Variants in ENGASE observed in about 807,000 individuals in gnomAD.
ENGASE encodes the protein cytosolic endo-beta-N-acetylglucosaminidase.
A neutral mutation model predicts 78.5 loss-of-function variants in ENGASE; 69 were observed. That is an observed-to-expected ratio of 0.88 (90% confidence interval 0.72 to 1.07). The LOEUF is 1.07. ENGASE is among the 50% of genes least tolerant of loss of function. ENGASE has a pLI of 0.00. For missense variants in ENGASE, 943 were observed against 988.4 expected, an observed-to-expected ratio of 0.95 and a Z score of 0.62; for synonymous variants, 408 against 408.9, an observed-to-expected ratio of 1.00 and a Z score of 0.03.
At position 79,084,103 on chromosome 17, in the gene ENGASE, C is replaced by T. The variant is rs180727048; in HGVS notation, c.1442+152C>T. 389 of 668,616 alleles carry T rather than the reference C, an allele frequency of 5.8e-4. 2 individuals carry two copies. In the African/African-American group the frequency reaches 5.8e-3, roughly 10 times the overall value. 41.4% of individuals were successfully genotyped at this position (668,616 alleles called of 1,614,324 possible). A position where few individuals can be genotyped will look rare whatever the true frequency, so the allele number is the denominator to read the frequency against. The stretch of plus-strand genomic sequence containing the variant: ...AAAATTGTGATCAAAAATGCATTAA[C>T]GTGAAATTCACCATCTTGACCCTGT... On this transcript the variant is annotated intron_variant, in intron 10 of 13. Coordinates refer to ENST00000579016, the MANE Select transcript of ENGASE (RefSeq NM_001042573.3).
Position 79,079,577 on chromosome 17 carries a change from GTCACCATTCCCCCA to G in ENGASE, c.506_519del (p.Val169GlyfsTer24), listed in dbSNP as rs2073068293. 1.9e-6 allele frequency: 3 copies of G among 1,613,914 alleles called. No individual in the cohort carries two copies. The highest frequency in any genetic ancestry group is 2.5e-6 in the Non-Finnish European group (3 of 1,180,012). On this transcript the variant is annotated frameshift_variant, in exon 4 of 14. Transcript: ENST00000579016. LOFTEE classifies it high-confidence loss of function. ...CTTTGTGTACTTCAGCCACCACACC[GTCACCATTCCCCCA>G]GTGGGCTGGACCAACACTGCCCACA...
chr17:79,075,463 C>T (rs1239664078), intron 1 of ENGASE, among the ~76,000 whole-genome samples: 1 of 152,244 alleles, frequency 6.6e-6, no homozygotes, highest in Non-Finnish European at 1.5e-5. Context: ...CAGTGGATGC[C>T]GGCTGGTGGA....
At position 79,083,331 on chromosome 17, in the gene ENGASE, C is replaced by T. The variant is rs536062149; in HGVS notation, c.1143-151C>T. 1.8e-5 allele frequency: 13 copies of T among 703,538 alleles called. No homozygotes were observed. The highest frequency in any genetic ancestry group is 5.4e-5 in the East Asian group (2 of 36,806). 43.6% of individuals were successfully genotyped at this position (703,538 alleles called of 1,614,324 possible). On this transcript the variant is annotated intron_variant, in intron 8 of 13. Coordinates refer to ENST00000579016, the MANE Select transcript of ENGASE (RefSeq NM_001042573.3). The surrounding 1 kb of genome is among the most constrained non-coding windows in gnomAD (Gnocchi z 4.9). ...GCTTCCTGCAGACTCGTGTTTGCAG[C>T]GTATCTGTAGACGGGGAGGCTGCAG...
rs55950748 is a variant in ENGASE at position 79,081,749 on chromosome 17, TGTGGGGTGGGGTGGGGTGGG to T, written c.873-128_873-109del. On this transcript the variant is annotated intron_variant, in intron 6 of 13. Coordinates refer to ENST00000579016, the MANE Select transcript of ENGASE (RefSeq NM_001042573.3). ...TCTAGGAGGGGAAAGGCTGAGGCTG[TGTGGGGTGGGGTGGGGTGGG>T]GTGGGGTGGGGTGGGGTGGGCCCAT... 3.9e-4 allele frequency: 248 copies of T among 636,892 alleles called. 2 individuals are homozygous for T. The highest frequency in any genetic ancestry group is 3.2e-3 in the African/African-American group (82 of 25,740). The allele number at this position is 636,892 out of a possible 1,614,324, so 39.5% of individuals were successfully genotyped here.
chr17:79,081,125 G>A, intron 6 of ENGASE, 52 bp downstream of exon 6: 3 of 390,032 alleles, frequency 7.7e-6, no homozygotes, highest in Non-Finnish European at 9.9e-6. Context: ...GTGGGGGCGG[G>A]TACTGTGAGG....
Position 79,086,512 on chromosome 17 carries a change from T to TG in ENGASE, c.*169dup, listed in dbSNP as rs1568096470. ...CGGGCTGAGTGCTGTGGCTTTCTGG[T>TG]GGGGGGCGATGGAAACAGGAAACCA... is the stretch of plus-strand genomic sequence containing the variant. On this transcript the variant is annotated 3_prime_UTR_variant, in exon 14 of 14. Transcript: ENST00000579016. 1.3e-5 allele frequency: 10 copies of TG among 789,422 alleles called. No individual in the cohort carries two copies. The Admixed American group carries it at 1.8e-4, about 14-fold the overall frequency. 48.9% of individuals were successfully genotyped at this position (789,422 alleles called of 1,614,324 possible).
rs563044681 is a variant in ENGASE at position 79,084,558 on chromosome 17, C to G, written c.1463C>G (p.Pro488Arg). Residue 488 changes from proline (P) to arginine (R), a missense_variant, in exon 11 of 14, where the codon CCA (proline) becomes CGA (arginine). By Grantham distance (103) the Pro-to-Arg change is moderately radical. Coordinates refer to ENST00000579016, the MANE Select transcript of ENGASE (RefSeq NM_001042573.3). The stretch of plus-strand genomic sequence containing the variant: ...CCCAGGTTATTTTCCCTGCAGGCCC[C>G]AGTGCCACCCAAGATTTACCTGTCC... ...VAVRLFSLQA[P>R]VPPKIYLSMV... The G allele has an allele frequency of 6.3e-7, 1 of 1,590,156 alleles. No homozygotes were observed. Among genetic ancestry groups the G allele is most frequent in the Admixed American group, 1.8e-5 (1 of 54,612 alleles).
chr17:79,081,123 G>A (rs772716577), intron 6 of ENGASE, 50 bp downstream of exon 6: 45 of 1,499,244 alleles, frequency 3.0e-5, no homozygotes, highest in Non-Finnish European at 3.7e-5. Flanking sequence ...TGGTGGGGGC[G>A]GGTACTGTGA....
rs765711965 is a variant in ENGASE, at chr17:79,086,399, C to T, written c.*50C>T. Reference sequence around the variant, plus strand: ...CCTGGCCTCGGGCTGAGGCCTCTTCCCGGCTGTCTGCCCCTGGCCTGCGCT... The same window carrying T: ...CCTGGCCTCGGGCTGAGGCCTCTTCTCGGCTGTCTGCCCCTGGCCTGCGCT... On this transcript the variant is annotated 3_prime_UTR_variant, in exon 14 of 14. Transcript: ENST00000579016. 2.6e-6 allele frequency: 4 copies of T among 1,564,158 alleles called. No individual in the cohort carries two copies. The highest frequency in any genetic ancestry group is 3.5e-6 in the Non-Finnish European group (4 of 1,156,042).
Position 79,085,993 on chromosome 17 carries a change from C to T in ENGASE, c.1876C>T (p.His626Tyr). Residue 626 changes from histidine (H) to tyrosine (Y), a missense_variant, in exon 14 of 14, where the codon CAC (histidine) becomes TAC (tyrosine). Physicochemically the swap from His to Tyr is moderately conservative, Grantham distance 83. Coordinates refer to ENST00000579016, the MANE Select transcript of ENGASE (RefSeq NM_001042573.3). ...CCAGGTGCAGGCCGTCACCATCTCT[C>T]ACATCCGCTGGCAGCCATCCGCCTC... Reference protein sequence around the residue: ...LPQVQAVTISHIRWQPSASER... With the variant: ...LPQVQAVTISYIRWQPSASER... The T allele has an allele frequency of 1.9e-6, 3 of 1,610,358 alleles. No homozygotes were observed. The highest frequency in any genetic ancestry group is 2.5e-6 in the Non-Finnish European group (3 of 1,179,956).
Position 79,074,966 on chromosome 17 carries a change from G to C in ENGASE, c.22G>C (p.Val8Leu). Residue 8 changes from valine (V) to leucine (L), a missense_variant, in exon 1 of 14, where the codon GTC becomes CTC. Physicochemically the swap from Val to Leu is conservative, Grantham distance 32 (BLOSUM62 1). Coordinates refer to ENST00000579016, the MANE Select transcript of ENGASE (RefSeq NM_001042573.3). MEAAAVT[V>L]TRSATRRRRR... ...TGTCATGGAGGCCGCGGCGGTGACG[G>C]TCACCCGGTCGGCTACACGGCGGCG... The C allele has an allele frequency of 8.0e-7, 1 of 1,250,066 alleles. No homozygotes were observed. The highest frequency in any genetic ancestry group is 3.0e-5 in the East Asian group (1 of 32,966). 77.4% of individuals were successfully genotyped at this position (1,250,066 alleles called of 1,614,324 possible). A position where few individuals can be genotyped will look rare whatever the true frequency, so the allele number is the denominator to read the frequency against.
At chr17:79,082,918 G>A (rs770150020) in intron 7 of ENGASE, 102 bp from the exon 8 acceptor site, 25 of 1,572,346 alleles carry the variant, frequency 1.6e-5, no homozygotes, top group Admixed American at 1.1e-4. Flanking sequence ...TCCCCCTCCC[G>A]TTTCTGAGCT....
chr17:79,077,519 A>G, intron 2 of ENGASE, 22 bp downstream of exon 2: 1 of 1,547,840 alleles, frequency 6.5e-7, no homozygotes, highest in Non-Finnish European at 8.7e-7. Context: ...GAGGCTCTGA[A>G]TACCGATCCA....
chr17:79,085,197 G>A, intron 11 of ENGASE, 37 bp from the exon 12 acceptor site: 1 of 1,547,566 alleles, frequency 6.5e-7, no homozygotes, highest in East Asian at 2.2e-5. Flanking sequence ...TTTCCTTTGA[G>A]ATTCTCCTTT....
Position 79,084,649 on chromosome 17 carries a change from C to T in ENGASE, c.1554C>T (p.Ala518=), listed in dbSNP as rs752632549. Residue 518 remains alanine (A), a synonymous_variant, in exon 11 of 14, where the codon GCC becomes GCT. Coordinates refer to ENST00000579016, the MANE Select transcript of ENGASE (RefSeq NM_001042573.3). ...TVALELTTGD[A]GSCHIGGISV... is the part of the protein sequence containing the mutation. ...CTTTGGAGCTGACCACAGGGGATGCCGGCAGCTGCCACATCGGTGGCATCT... is the reference window on the plus strand; with the variant it reads ...CTTTGGAGCTGACCACAGGGGATGCTGGCAGCTGCCACATCGGTGGCATCT... 5.6e-6 allele frequency: 9 copies of T among 1,612,482 alleles called. No individual in the cohort carries two copies. Among genetic ancestry groups the T allele is most frequent in the Admixed American group, 3.3e-5 (2 of 59,870 alleles).
Position 79,079,585 on chromosome 17 carries a change from T to C in ENGASE, c.513T>C (p.Ile171=), listed in dbSNP as rs3744183. ...ACTTCAGCCACCACACCGTCACCAT[T>C]CCCCCAGTGGGCTGGACCAACACTG... The part of the protein sequence containing the change: ...FVYFSHHTVT[I]PPVGWTNTAH... Residue 171 remains isoleucine (I), a synonymous_variant, in exon 4 of 14, where the codon ATT becomes ATC. Coordinates refer to ENST00000579016, the MANE Select transcript of ENGASE (RefSeq NM_001042573.3). 0.23 allele frequency: 377,674 copies of C among 1,607,126 alleles called. 52,892 individuals are homozygous for C. The highest frequency in any genetic ancestry group is 0.57 in the African/African-American group (41,934 of 74,044).
rs747191694 is a variant in ENGASE, at chr17:79,085,340, G to A, written c.1698G>A (p.Gln566=). The change falls in exon 12 of 14, where the codon CAG becomes CAA. Residue 566 remains glutamine (Q), a splice_region_variant and synonymous_variant. Transcript: ENST00000579016. ...CGRQLSGGWV[Q]HCYEVSLRGC... is the part of the protein sequence containing the mutation. ...GGCAGCTGAGTGGGGGCTGGGTCCA[G>A]CAGTAAGTCCCTCTGCTTCTTCACG... is the stretch of plus-strand genomic sequence containing the variant. The A allele has an allele frequency of 6.2e-7, 1 of 1,606,980 alleles. No individual in the cohort carries two copies. Among genetic ancestry groups the A allele is most frequent in the East Asian group, 2.2e-5 (1 of 44,828 alleles).
At position 79,077,282 on chromosome 17, in the gene ENGASE, G is replaced by A. The variant is rs2072990912; in HGVS notation, c.147-148G>A. ...TAGGATTATCACAGGGCACTTCCTT[G>A]CTTTATACAATGTTTCTATAGTTAA... is the stretch of plus-strand genomic sequence containing the variant. On this transcript the variant is annotated intron_variant, in intron 1 of 13. Coordinates refer to ENST00000579016, the MANE Select transcript of ENGASE (RefSeq NM_001042573.3). 1.6e-5 allele frequency: 12 copies of A among 764,250 alleles called. No homozygotes were observed. In the South Asian group the frequency reaches 1.8e-4, roughly 11 times the overall value. 47.3% of individuals were successfully genotyped at this position (764,250 alleles called of 1,614,324 possible).
Position 79,077,741 on chromosome 17 carries a change from C to G in ENGASE, c.293C>G (p.Pro98Arg). 1 of 1,614,170 alleles carries G rather than the reference C, an allele frequency of 6.2e-7. No homozygotes were observed. Among genetic ancestry groups the G allele is most frequent in the East Asian group, 2.2e-5 (1 of 44,886 alleles). Residue 98 changes from proline (P) to arginine (R), a missense_variant, in exon 3 of 14, where the codon CCC (proline) becomes CGC (arginine). By Grantham distance (103) the Pro-to-Arg change is moderately radical. Coordinates refer to ENST00000579016, the MANE Select transcript of ENGASE (RefSeq NM_001042573.3). The part of the protein sequence containing the change: ...SSLEELLAWK[P>R]RLEDGFNVAL... ...CTGGAGGAGCTCTTGGCGTGGAAGC[C>G]CCGCTTGGAGGATGGCTTTAATGTG...
Sources: gnomAD v4.1 joint callset for allele counts (sites outside exome capture counted in the v4.1 genomes callset) on GRCh38, gnomAD v4.1.1 for gene constraint, Gnocchi (gnomAD v3.1) non-coding constraint, MANE v1.5 for transcripts, NCBI Gene and HGNC (gene_info 2026-07-23, HGNC 2026-07-21) for gene names.